COL21A1: variants seen among roughly 807,000 people sequenced by gnomAD.
The protein encoded by COL21A1 is collagen alpha-1(XXI) chain.
Under a neutral mutation model 137.9 loss-of-function variants are expected in COL21A1, and 149 were observed. The observed-to-expected ratio is 1.08, with a 90% confidence interval of 0.95 to 1.24. COL21A1 has a LOEUF of 1.24. COL21A1 is among the 50% of genes most tolerant of loss of function. The pLI is 0.00. For missense variants in COL21A1, 1,167 were observed against 1,158.4 expected (o/e 1.01, Z -0.11); for synonymous variants, 456 against 391.5 (o/e 1.16, Z -1.95).
chr6:56,066,519 C>T (rs1350136660), intron 23 of COL21A1, among the ~76,000 whole-genome samples: 1 of 151,828 alleles, frequency 6.6e-6, no homozygotes, highest in Non-Finnish European at 1.5e-5. Context: ...AACTTAAAAA[C>T]ATCATTAAAA....
chr6:56,237,760 A>T (rs1206349517), intron 1 of COL21A1, among the ~76,000 whole-genome samples: 2 of 152,150 alleles, frequency 1.3e-5, no homozygotes. Context: ...CACATACATA[A>T]ATGGCTCTAA....
intron 1 of COL21A1, among the ~76,000 whole-genome samples, chr6:56,290,499 AT>A (rs1268560590): frequency 0.1 from 14,314 of 139,718 alleles, 808 homozygotes; most frequent in African/African-American, 0.16. Flanking sequence ...CACTTAGGAG[AT>A]TTTTTTTTTT....
chr6:56,156,414 C>T (rs1925179), intron 10 of COL21A1, among the ~76,000 whole-genome samples: 112,855 of 152,074 alleles, frequency 0.74, 42,432 homozygotes, highest in East Asian at 0.86. Context: ...CTCTGCTCCT[C>T]TGAAATGTAA....
At chr6:56,214,573 G>A (rs947165552) in intron 1 of COL21A1, among the ~76,000 whole-genome samples, 1 of 151,838 alleles carries the variant, frequency 6.6e-6, no homozygotes, top group Non-Finnish European at 1.5e-5. Context: ...CAGAGTCTGT[G>A]GGTTTAATAG....
At chr6:56,107,661 G>A (rs971444773) in intron 16 of COL21A1, among the ~76,000 whole-genome samples, 1 of 152,082 alleles carries the variant, frequency 6.6e-6, no homozygotes, top group East Asian at 1.9e-4. Context: ...GTGAAAAGTG[G>A]TGAGACAAGG....
At chr6:56,335,863 C>T (rs549614498) in intron 1 of COL21A1, among the ~76,000 whole-genome samples, 1 of 152,172 alleles carries the variant, frequency 6.6e-6, no homozygotes, top group African/African-American at 2.4e-5. Flanking sequence ...AAGGTAATTG[C>T]CAAGGAATGC....
rs1372393525 is a variant in COL21A1 at position 56,306,042 on chromosome 6, T to C, written c.-39+87929A>G. Among the ~76,000 whole-genome samples, 2 of 35,526 alleles carry C rather than the reference T, an allele frequency of 5.6e-5. 1 individual carries two copies. Among genetic ancestry groups the C allele is most frequent in the East Asian group, 2.4e-3 (2 of 832 alleles). 23.3% of individuals were successfully genotyped at this position (35,526 alleles called of 152,430 possible). On this transcript the variant is annotated intron_variant, in intron 1 of 28. Transcript: ENST00000370819. Reference sequence around the variant, plus strand: ...ATTCTGGGTTGAAAATTCTTTTCTTTAAGAATGTTGAATATTGGCACTCTC... The same window carrying C: ...ATTCTGGGTTGAAAATTCTTTTCTTCAAGAATGTTGAATATTGGCACTCTC...
intron 1 of COL21A1, among the ~76,000 whole-genome samples, chr6:56,312,223 TG>T (rs1764630069): frequency 6.6e-6 from 1 of 152,156 alleles, no homozygotes; most frequent in African/African-American, 2.4e-5. Context: ...AAGATTTAAG[TG>T]GGTCAACAAT....
intron 1 of COL21A1, among the ~76,000 whole-genome samples, chr6:56,306,618 AG>A (rs917775385): frequency 4.6e-5 from 7 of 151,952 alleles, no homozygotes; most frequent in Admixed American, 2.6e-4. Context: ...TGATTATTCT[AG>A]TTAGCCATTT....
At chr6:56,330,313 AAC>A (rs751574614) in intron 1 of COL21A1, among the ~76,000 whole-genome samples, 1 of 152,132 alleles carries the variant, frequency 6.6e-6, no homozygotes, top group Non-Finnish European at 1.5e-5. Context: ...GTTGTAAATA[AAC>A]ACAGAGAGAA....
chr6:56,325,536 A>AATATATTATATATTATATATTATATATAT (rs1562057040), intron 1 of COL21A1, among the ~76,000 whole-genome samples: 1 of 896 alleles, frequency 1.1e-3, no homozygotes, highest in Non-Finnish European at 2.2e-3. Flanking sequence ...TATTATATAT[A>AATATATTATATATTATATATTATATATAT]AATATATAAT....
intron 7 of COL21A1, among the ~76,000 whole-genome samples, chr6:56,165,774 A>G (rs573690352): frequency 1.3e-5 from 2 of 152,296 alleles, no homozygotes; most frequent in Admixed American, 6.5e-5. Context: ...CAACATAACT[A>G]CACACATTTT....
chr6:56,124,018 CA>C (rs1772789197), intron 16 of COL21A1, 43 bp downstream of exon 16: 1 of 1,438,016 alleles, frequency 7.0e-7, no homozygotes, highest in Admixed American at 3.0e-5. Context: ...TCTCAAGATA[CA>C]AAAATCTTTT....
intron 17 of COL21A1, among the ~76,000 whole-genome samples, chr6:56,079,484 C>A (rs1029386053): frequency 9.2e-5 from 14 of 151,570 alleles, no homozygotes; most frequent in African/African-American, 3.1e-4. Flanking sequence ...CATCCTTTCC[C>A]TGGAGAAAAC....
intron 1 of COL21A1, among the ~76,000 whole-genome samples, chr6:56,260,700 G>T (rs556556337): frequency 3.5e-5 from 5 of 142,448 alleles, no homozygotes; most frequent in Non-Finnish European, 6.3e-5. Context: ...AGGCAGGCAG[G>T]CAGGCAGGCA....
At chr6:56,128,666 GT>G (rs1200189219) in intron 12 of COL21A1, among the ~76,000 whole-genome samples, 1 of 152,034 alleles carries the variant, frequency 6.6e-6, no homozygotes, top group Non-Finnish European at 1.5e-5. Context: ...GTTCTGTTTT[GT>G]TTTTTGAGAT....
chr6:56,271,958 GT>G (rs1763537471), intron 1 of COL21A1, among the ~76,000 whole-genome samples: 1 of 152,264 alleles, frequency 6.6e-6, no homozygotes, highest in East Asian at 1.9e-4. Context: ...GAAATGACTG[GT>G]GATCCAGGCA....
intron 1 of COL21A1, among the ~76,000 whole-genome samples, chr6:56,202,309 C>T (rs1779465159): frequency 6.6e-6 from 1 of 151,982 alleles, no homozygotes. Flanking sequence ...ACAGCATTTC[C>T]CATTGCTACA....
rs542893671 is a variant in COL21A1 at position 56,118,195 on chromosome 6, G to A, written c.1758+5867C>T. Reference sequence around the variant, plus strand: ...TGACAAATTTTTAGCCAGTGTAACCGAGAAAATAAAAAAGGATACCCAAAT... The same window carrying A: ...TGACAAATTTTTAGCCAGTGTAACCAAGAAAATAAAAAAGGATACCCAAAT... On this transcript the variant is annotated intron_variant, in intron 16 of 29. Coordinates refer to ENST00000244728, the MANE Select transcript of COL21A1 (RefSeq NM_030820.4). Among the ~76,000 whole-genome samples the A allele has an allele frequency of 3.3e-5, 5 of 150,192 alleles. No individual in the cohort carries two copies. In the East Asian group the frequency reaches 5.8e-4, roughly 17 times the overall value.
Sources: allele counts gnomAD v4.1 joint callset (sites outside exome capture counted in the v4.1 genomes callset), GRCh38; gene constraint gnomAD v4.1.1; transcripts MANE v1.5; gene names NCBI Gene and HGNC (gene_info 2026-07-23, HGNC 2026-07-21).